The following AGTPBP1 variants were observed in gnomAD, a reference collection of about 807,000 sequenced individuals.
The protein encoded by AGTPBP1 is cytosolic carboxypeptidase 1.
A neutral mutation model predicts 143.9 loss-of-function variants in AGTPBP1; 70 were observed. That is an observed-to-expected ratio of 0.49 (90% CI 0.40 to 0.59). The LOEUF (loss-of-function observed/expected upper bound fraction) is 0.59. AGTPBP1 is among the 20% of genes least tolerant of loss of function. AGTPBP1 has a pLI of 0.00. For missense variants in AGTPBP1, 1,229 were observed against 1,464.5 expected (o/e 0.84, Z 2.62); for synonymous variants, 463 against 500.2 (o/e 0.93, Z 0.99).
At chr9:85,755,172 T>A in the AGTPBP1 span, among the ~76,000 whole-genome samples, 7 of 152,174 alleles carry the variant, frequency 4.6e-5, no homozygotes, top group Admixed American at 2.6e-4. Flanking sequence ...TTCTCATATA[T>A]ATTCACTGTC....
At chr9:85,646,594 T>G (rs1359641631) in intron 11 of AGTPBP1, among the ~76,000 whole-genome samples, 176 bp from the exon 12 acceptor site, 2 of 152,196 alleles carry the variant, frequency 1.3e-5, no homozygotes, top group Non-Finnish European at 2.9e-5. Context: ...CATGGGACCA[T>G]ATAAGAAAGT....
chr9:85,736,569 G>T (rs1327938950), intron 1 of AGTPBP1, among the ~76,000 whole-genome samples: 1 of 151,872 alleles, frequency 6.6e-6, no homozygotes, highest in African/African-American at 2.4e-5. Context: ...TTTACCCAAA[G>T]CGTAAAACAA....
chr9:85,686,962 A>G (rs1835522428), intron 3 of AGTPBP1, among the ~76,000 whole-genome samples: 1 of 152,196 alleles, frequency 6.6e-6, no homozygotes, highest in Non-Finnish European at 1.5e-5. Context: ...TTAAGAAGCA[A>G]GATCCAACAA....
At chr9:85,785,482 C>T in the AGTPBP1 span, among the ~76,000 whole-genome samples, 4 of 152,232 alleles carry the variant, frequency 2.6e-5, no homozygotes, top group African/African-American at 9.6e-5. Flanking sequence ...TGCTATTAGA[C>T]ATTCTTTGAT....
chr9:85,648,729 G>A (rs1256863206), intron 11 of AGTPBP1, among the ~76,000 whole-genome samples: 3 of 151,998 alleles, frequency 2.0e-5, no homozygotes, highest in Non-Finnish European at 4.4e-5. Context: ...GGAGAATGGC[G>A]TGAACCCGGG....
chr9:85,779,244 T>TATAGA, the AGTPBP1 span, among the ~76,000 whole-genome samples: 1 of 147,658 alleles, frequency 6.8e-6, no homozygotes. Context: ...TAGATATAGA[T>TATAGA]ATCTATATAA....
At chr9:85,638,195 G>A (rs1400383834) in intron 13 of AGTPBP1, among the ~76,000 whole-genome samples, 1 of 152,098 alleles carries the variant, frequency 6.6e-6, no homozygotes, top group Non-Finnish European at 1.5e-5. Context: ...TCCATTTATG[G>A]CTGAGGGAAA....
At chr9:85,694,582 A>G (rs1362688914) in intron 2 of AGTPBP1, among the ~76,000 whole-genome samples, 3 of 152,102 alleles carry the variant, frequency 2.0e-5, no homozygotes, top group Non-Finnish European at 4.4e-5. Flanking sequence ...TTGGGATTCA[A>G]TGACTCTATA....
At chr9:85,720,684 GTTATTTCT>G (rs1274030928) in intron 1 of AGTPBP1, among the ~76,000 whole-genome samples, 1 of 151,670 alleles carries the variant, frequency 6.6e-6, no homozygotes, top group Admixed American at 6.6e-5. Flanking sequence ...TCTAATCTTA[GTTATTTCT>G]TGCCTTCTGC....
chr9:85,620,131 C>G (rs1341595558), intron 15 of AGTPBP1, among the ~76,000 whole-genome samples: 1 of 152,082 alleles, frequency 6.6e-6, no homozygotes, highest in Non-Finnish European at 1.5e-5. Context: ...AGTGTTTTAG[C>G]CAGGCACGGT....
chr9:85,645,385 G>A (rs1418019667), intron 12 of AGTPBP1, among the ~76,000 whole-genome samples: 1 of 152,080 alleles, frequency 6.6e-6, no homozygotes, highest in Non-Finnish European at 1.5e-5. Context: ...CAGATTAAAG[G>A]AGACTAAAGA....
intron 14 of AGTPBP1, among the ~76,000 whole-genome samples, chr9:85,625,211 CTT>C (rs1381267038): frequency 6.6e-6 from 1 of 152,234 alleles, no homozygotes; most frequent in Non-Finnish European, 1.5e-5. Context: ...GCACATTAAT[CTT>C]GATAGAATCT....
intron 17 of AGTPBP1, among the ~76,000 whole-genome samples, chr9:85,600,732 G>T (rs1398640524): frequency 6.6e-6 from 1 of 152,130 alleles, no homozygotes; most frequent in African/African-American, 2.4e-5. Flanking sequence ...TCCAGAGAGT[G>T]AACTCACACG....
At chr9:85,784,832 G>A in the AGTPBP1 span, among the ~76,000 whole-genome samples, 127 of 152,152 alleles carry the variant, frequency 8.3e-4, no homozygotes, top group Middle Eastern at 3.2e-3. Context: ...CAGTGGCAAC[G>A]GTGTTCCAGC....
In AGTPBP1 at chr9:85,741,899, AGGCGGAGGCGGCGGCGGCGGCAGCTGC is replaced by A. The variant is rs1245302057; in HGVS notation, c.-185_-159del. 3.7e-6 allele frequency: 5 copies of A among 1,344,560 alleles called. No individual in the cohort carries two copies. The highest frequency in any genetic ancestry group is 3.7e-5 in the South Asian group (2 of 54,748). 83.3% of individuals were successfully genotyped at this position (1,344,560 alleles called of 1,614,324 possible). On this transcript the variant is annotated 5_prime_UTR_variant, in exon 1 of 26. Transcript: ENST00000357081. ...TTCATACAAACCCCGGTGGCAGGCG[AGGCGGAGGCGGCGGCGGCGGCAGCTGC>A]GGCGGCGGCGCTGGAGGCGGCGGAA...
At chr9:85,617,140 C>T (rs1162415950) in intron 17 of AGTPBP1, among the ~76,000 whole-genome samples, 1 of 152,040 alleles carries the variant, frequency 6.6e-6, no homozygotes, top group Non-Finnish European at 1.5e-5. Context: ...CAATTGGGAA[C>T]AACCTCTTCA....
At chr9:85,634,644 A>T (rs2133734057) in intron 13 of AGTPBP1, among the ~76,000 whole-genome samples, 1 of 152,282 alleles carries the variant, frequency 6.6e-6, no homozygotes, top group South Asian at 2.1e-4. Flanking sequence ...TTTGGGCCAG[A>T]TCATTCTTTT....
chr9:85,731,273 A>G (rs901913798), intron 1 of AGTPBP1, among the ~76,000 whole-genome samples: 2 of 152,230 alleles, frequency 1.3e-5, no homozygotes, highest in African/African-American at 4.8e-5. Context: ...ACTATGAGAT[A>G]CCACTTCACA....
At chr9:85,768,468 GA>G in the AGTPBP1 span, among the ~76,000 whole-genome samples, 3,436 of 151,706 alleles carry the variant, frequency 0.023, 42 homozygotes, top group South Asian at 0.039. Context: ...AAGTTAATAA[GA>G]AAAAAAATTT....
Sources: gnomAD v4.1 joint callset for allele counts (sites outside exome capture counted in the v4.1 genomes callset) on GRCh38, gnomAD v4.1.1 for gene constraint, MANE v1.5 for transcripts, NCBI Gene and HGNC (gene_info 2026-07-23, HGNC 2026-07-21) for gene names.